Variants in FDX1 observed in about 807,000 individuals in gnomAD.
The protein encoded by FDX1 is ferredoxin 1.
FDX1 carries 9 observed loss-of-function variants against 14.9 expected under a neutral mutation model. That is an observed-to-expected ratio of 0.60 (90% CI 0.36 to 1.05). FDX1 has a LOEUF of 1.05. FDX1 is among the 50% of genes least tolerant of loss of function. FDX1 has a pLI of 0.01. For missense variants in FDX1, 204 were observed against 237.2 expected, an observed-to-expected ratio of 0.86 and a Z score of 0.92; for synonymous variants, 92 against 99.4, an observed-to-expected ratio of 0.93 and a Z score of 0.44.
At chr11:110,442,935 C>T (rs1387541863) in intron 2 of FDX1, among the ~76,000 whole-genome samples, 1 of 152,106 alleles carries the variant, frequency 6.6e-6, no homozygotes, top group African/African-American at 2.4e-5. Flanking sequence ...GTTCTCCTGA[C>T]AGTGAATAAG....
chr11:110,458,998 A>G (rs1160020229), intron 3 of FDX1, among the ~76,000 whole-genome samples: 1 of 152,034 alleles, frequency 6.6e-6, no homozygotes, highest in Admixed American at 6.6e-5. Context: ...CTGGTTACCT[A>G]TCTCCCTTTT....
Position 110,464,728 on chromosome 11 carries a change from C to T in FDX1, c.*2260C>T, listed in dbSNP as rs1051907028. ...TTGTGTGTGGATTACCTAAACTCTC[C>T]TTCCAGAGCTACTTTAATGATTATA... On this transcript the variant is annotated 3_prime_UTR_variant, in exon 4 of 4. Coordinates refer to ENST00000260270, the MANE Select transcript of FDX1 (RefSeq NM_004109.5). 2.0e-5 allele frequency: 3 copies of T among 152,118 alleles called. No individual in the cohort carries two copies. Among genetic ancestry groups the T allele is most frequent in the Admixed American group, 1.3e-4 (2 of 15,284 alleles). 9.4% of individuals were successfully genotyped at this position (152,118 alleles called of 1,614,324 possible).
intron 3 of FDX1, among the ~76,000 whole-genome samples, chr11:110,461,081 G>A (rs936558540): frequency 6.6e-6 from 1 of 152,102 alleles, no homozygotes; most frequent in Non-Finnish European, 1.5e-5. Flanking sequence ...ATGCCACTAA[G>A]GAAGATAAAA....
chr11:110,452,359 C>T (rs1048660272), intron 2 of FDX1, among the ~76,000 whole-genome samples: 1 of 152,044 alleles, frequency 6.6e-6, no homozygotes, highest in Non-Finnish European at 1.5e-5. Flanking sequence ...GGACTTGTAT[C>T]CCGGCTATGT....
intron 3 of FDX1, among the ~76,000 whole-genome samples, chr11:110,461,985 A>G (rs1946559485): frequency 6.6e-6 from 1 of 152,222 alleles, no homozygotes; most frequent in Admixed American, 6.5e-5. Context: ...TTATCTAGGA[A>G]TTGATTAATC....
rs145521027 is a variant in FDX1 at position 110,438,582 on chromosome 11, C to T, written c.310+2624C>T. Among the ~76,000 whole-genome samples, 331 of 152,112 alleles carry T rather than the reference C, an allele frequency of 2.2e-3. 3 individuals carry two copies. Among genetic ancestry groups the T allele is most frequent in the African/African-American group, 7.5e-3 (313 of 41,508 alleles). ...CTGGAATTATAAAGGTGTGCCACCA[C>T]GGCTAGCAAATTTTTATATTTTTAG... On this transcript the variant is annotated intron_variant, in intron 2 of 3. Transcript: ENST00000260270.
chr11:110,432,498 T>A (rs1946338217), intron 1 of FDX1, among the ~76,000 whole-genome samples: 1 of 152,130 alleles, frequency 6.6e-6, no homozygotes, highest in South Asian at 2.1e-4. Flanking sequence ...ATTTTGGAGG[T>A]GTTGGTGTAC....
rs184399682 is a variant in FDX1 at position 110,444,668 on chromosome 11, A to T, written c.310+8710A>T. On this transcript the variant is annotated intron_variant, in intron 2 of 3. Coordinates refer to ENST00000260270, the MANE Select transcript of FDX1 (RefSeq NM_004109.5). ...TGTGTGTGTATATATATATATACGT[A>T]TATATATATATATATACACGTATAT... 4.4e-5 allele frequency among the ~76,000 whole-genome samples: 3 copies of T among 68,098 alleles called. No individual in the cohort carries two copies. The South Asian group carries it at 1.3e-3, about 30-fold the overall frequency. 44.7% of individuals were successfully genotyped at this position (68,098 alleles called of 152,430 possible).
At chr11:110,452,027 G>A (rs1477926670) in intron 2 of FDX1, among the ~76,000 whole-genome samples, 4 of 151,330 alleles carry the variant, frequency 2.6e-5, no homozygotes, top group African/African-American at 9.7e-5. Flanking sequence ...ATTCATGTGG[G>A]AAAAAAAAGG....
intron 2 of FDX1, among the ~76,000 whole-genome samples, chr11:110,440,864 A>G (rs1397268786): frequency 6.6e-6 from 1 of 152,224 alleles, no homozygotes; most frequent in African/African-American, 2.4e-5. Context: ...CAAAAAAATC[A>G]CTTGGTGAAG....
intron 2 of FDX1, among the ~76,000 whole-genome samples, chr11:110,450,606 A>G (rs1946480220): frequency 6.6e-6 from 1 of 152,228 alleles, no homozygotes; most frequent in Non-Finnish European, 1.5e-5. Flanking sequence ...TTTTACATCA[A>G]ACATTTGTTC....
At chr11:110,457,739 A>T (rs1049506186) in intron 3 of FDX1, among the ~76,000 whole-genome samples, 21 of 126,068 alleles carry the variant, frequency 1.7e-4, no homozygotes, top group African/African-American at 6.2e-4. Context: ...ATAATTTTTT[A>T]AAAATTAAAG....
intron 2 of FDX1, among the ~76,000 whole-genome samples, chr11:110,449,852 A>C (rs1328869290): frequency 2.0e-5 from 3 of 152,144 alleles, no homozygotes; most frequent in African/African-American, 4.8e-5. Flanking sequence ...GGTCTCGAAT[A>C]CCTGACCTCA....
intron 2 of FDX1, among the ~76,000 whole-genome samples, chr11:110,437,926 G>T (rs140490941): frequency 2.5e-4 from 38 of 152,240 alleles, no homozygotes; most frequent in African/African-American, 6.3e-4. Flanking sequence ...CGGGATAATG[G>T]CCTTGAGCTG....
chr11:110,445,558 A>T (rs1459253186), intron 2 of FDX1, among the ~76,000 whole-genome samples: 1 of 152,226 alleles, frequency 6.6e-6, no homozygotes, highest in African/African-American at 2.4e-5. Flanking sequence ...TAGCTATTTT[A>T]CAAGTATATA....
intron 2 of FDX1, among the ~76,000 whole-genome samples, chr11:110,436,851 TA>T (rs1281669807): frequency 1.3e-5 from 2 of 152,144 alleles, no homozygotes; most frequent in Non-Finnish European, 2.9e-5. Flanking sequence ...TGTTAATGCT[TA>T]TAACAGTTTT....
intron 2 of FDX1, among the ~76,000 whole-genome samples, chr11:110,441,351 G>C (rs753583951): frequency 6.6e-6 from 1 of 152,198 alleles, no homozygotes; most frequent in Non-Finnish European, 1.5e-5. Context: ...GGAGGGCTCA[G>C]GAGAAGATAG....
intron 2 of FDX1, among the ~76,000 whole-genome samples, chr11:110,452,207 A>G (rs964631937): frequency 6.6e-6 from 1 of 151,958 alleles, no homozygotes; most frequent in Non-Finnish European, 1.5e-5. Flanking sequence ...AAGAATTTAT[A>G]TATAAATTCT....
At position 110,464,608 on chromosome 11, in the gene FDX1, A is replaced by G. The variant is rs955926785; in HGVS notation, c.*2140A>G. On this transcript the variant is annotated 3_prime_UTR_variant, in exon 4 of 4. Transcript: ENST00000260270. ...ACACTGGCAATTTAATTTCAAGATG[A>G]GTTTTGGAGGGGACATTCAAACCAT... The G allele has an allele frequency of 6.6e-6, 1 of 152,130 alleles. No individual in the cohort carries two copies. Among genetic ancestry groups the G allele is most frequent in the Non-Finnish European group, 1.5e-5 (1 of 68,002 alleles). 9.4% of individuals were successfully genotyped at this position (152,130 alleles called of 1,614,324 possible). A position where few individuals can be genotyped will look rare whatever the true frequency, so the allele number is the denominator to read the frequency against.
Sources: gnomAD v4.1 joint callset for allele counts (sites outside exome capture counted in the v4.1 genomes callset) on GRCh38, gnomAD v4.1.1 for gene constraint, MANE v1.5 for transcripts, NCBI Gene and HGNC (gene_info 2026-07-23, HGNC 2026-07-21) for gene names.